Variants in MGLL observed in about 807,000 individuals in gnomAD.
MGLL encodes the protein monoglyceride lipase, also known as lysophospholipase homolog.
In MGLL, 7 loss-of-function variants were observed where a neutral mutation model predicts 29.1. The ratio of observed to expected loss-of-function variants is 0.24; its 90% CI spans 0.14 to 0.45. MGLL has a LOEUF of 0.45. MGLL is among the 20% of genes least tolerant of loss of function. MGLL has a pLI of 0.99. For synonymous variants in MGLL, 148 were observed against 168.3 expected (o/e 0.88, Z 0.93); for missense variants, 356 against 413.6 (o/e 0.86, Z 1.21).
intron 7 of MGLL, among the ~76,000 whole-genome samples, chr3:127,694,284 AAAAT>A (rs1199553547): frequency 1.4e-4 from 15 of 106,046 alleles, no homozygotes; most frequent in African/African-American, 5.0e-4. Context: ...AAAAAAAAAA[AAAAT>A]ATATATATAT....
intron 2 of MGLL, among the ~76,000 whole-genome samples, chr3:127,819,602 T>C (rs2077821684): frequency 6.6e-6 from 1 of 152,124 alleles, no homozygotes; most frequent in South Asian, 2.1e-4. Flanking sequence ...CTAGTTTTGC[T>C]GAAGAGGGGT....
At chr3:127,811,633 A>G (rs774407876) in intron 2 of MGLL, among the ~76,000 whole-genome samples, 4 of 152,252 alleles carry the variant, frequency 2.6e-5, no homozygotes, top group Non-Finnish European at 5.9e-5. Flanking sequence ...CCAGTGGGAC[A>G]TTCACAAACA....
intron 4 of MGLL, 157 bp from the exon 5 acceptor site, chr3:127,721,320 T>G: frequency 1.6e-6 from 1 of 641,850 alleles, no homozygotes; most frequent in Non-Finnish European, 2.8e-6. Flanking sequence ...TTGGCTAAAC[T>G]AGATCTGCAA....
At chr3:127,770,259 C>T (rs2076927219) in intron 3 of MGLL, among the ~76,000 whole-genome samples, 1 of 152,002 alleles carries the variant, frequency 6.6e-6, no homozygotes, top group African/African-American at 2.4e-5. Context: ...TGGCCTCAAG[C>T]GATCCTCCCA....
At chr3:127,807,400 T>C (rs757909663) in intron 2 of MGLL, among the ~76,000 whole-genome samples, 6 of 152,184 alleles carry the variant, frequency 3.9e-5, no homozygotes, top group Non-Finnish European at 7.3e-5. Context: ...ATCAATTTTA[T>C]TGGTATTTTC....
chr3:127,759,158 C>T (rs1170110059), intron 3 of MGLL, among the ~76,000 whole-genome samples: 1 of 152,192 alleles, frequency 6.6e-6, no homozygotes, highest in Non-Finnish European at 1.5e-5. Context: ...CTCCTGACCT[C>T]AAGTGATCAA....
chr3:127,721,761 C>T lies in MGLL; in HGVS notation c.400-598G>A, dbSNP rs144473282. Among the ~76,000 whole-genome samples the T allele has an allele frequency of 8.5e-3, 1,287 of 152,212 alleles. 6 individuals carry two copies. Among genetic ancestry groups the T allele is most frequent in the Non-Finnish European group, 0.011 (779 of 68,018 alleles). ...AGAGAAATGTAAGGACAGAGCCAGG[C>T]AGTGACCATGGGGCAGGAGGCAAGG... On this transcript the variant is annotated intron_variant, in intron 4 of 7. Transcript: ENST00000265052.
intron 3 of MGLL, among the ~76,000 whole-genome samples, chr3:127,775,016 C>T (rs765011772): frequency 2.6e-5 from 4 of 152,022 alleles, no homozygotes; most frequent in East Asian, 1.9e-4. Context: ...AACTCATATC[C>T]GAGACTTACA....
chr3:127,734,758 C>G lies in MGLL; in HGVS notation c.263-12192G>C, dbSNP rs181893490. ...CCTCAGCCCAGCAAATGCCTTCTCTCTGGATTTTCCTGGTCATCTCTCCTC... is the reference window on the plus strand; with the variant it reads ...CCTCAGCCCAGCAAATGCCTTCTCTGTGGATTTTCCTGGTCATCTCTCCTC... On this transcript the variant is annotated intron_variant, in intron 3 of 7. Transcript: ENST00000265052. Among the ~76,000 whole-genome samples, 713 of 152,370 alleles carry G rather than the reference C, an allele frequency of 4.7e-3. 4 individuals carry two copies. Among genetic ancestry groups the G allele is most frequent in the African/African-American group, 0.015 (629 of 41,588 alleles).
chr3:127,813,727 A>G (rs1394713225), intron 2 of MGLL, among the ~76,000 whole-genome samples: 1 of 152,080 alleles, frequency 6.6e-6, no homozygotes, highest in Non-Finnish European at 1.5e-5. Flanking sequence ...CTCCCGGGTC[A>G]TTGACCCCCA....
At chr3:127,739,028 G>A (rs1341037738) in intron 3 of MGLL, among the ~76,000 whole-genome samples, 1 of 152,206 alleles carries the variant, frequency 6.6e-6, no homozygotes, top group East Asian at 1.9e-4. Context: ...GAGGCACCAG[G>A]TGGAATGAAG....
At chr3:127,784,332 C>T (rs1200792759) in intron 2 of MGLL, among the ~76,000 whole-genome samples, 1 of 152,140 alleles carries the variant, frequency 6.6e-6, no homozygotes, top group Non-Finnish European at 1.5e-5. Flanking sequence ...CCAGTGGCTC[C>T]GATGTACAGC....
chr3:127,760,294 C>G (rs2107681028), intron 3 of MGLL, among the ~76,000 whole-genome samples: 1 of 152,310 alleles, frequency 6.6e-6, no homozygotes, highest in Admixed American at 6.5e-5. Flanking sequence ...AAAGAGTAGG[C>G]CAGGCCACTC....
chr3:127,698,725 A>G (rs944865151), intron 6 of MGLL, among the ~76,000 whole-genome samples: 1 of 152,122 alleles, frequency 6.6e-6, no homozygotes, highest in Non-Finnish European at 1.5e-5. Context: ...GCAAAATGTC[A>G]CTGCTGGGGG....
At chr3:127,798,064 C>A (rs2107732859) in intron 2 of MGLL, among the ~76,000 whole-genome samples, 1 of 152,282 alleles carries the variant, frequency 6.6e-6, no homozygotes, top group South Asian at 2.1e-4. Flanking sequence ...AAAGTACAAA[C>A]AACTGATCTG....
At chr3:127,731,960 T>C (rs1458120430) in intron 3 of MGLL, among the ~76,000 whole-genome samples, 1 of 152,164 alleles carries the variant, frequency 6.6e-6, no homozygotes, top group Non-Finnish European at 1.5e-5. Flanking sequence ...TAATCCTTTG[T>C]TGAATGATTA....
chr3:127,694,563 C>T (rs2075319904), intron 7 of MGLL, among the ~76,000 whole-genome samples: 1 of 151,996 alleles, frequency 6.6e-6, no homozygotes, highest in African/African-American at 2.4e-5. Flanking sequence ...CACCTGTGTG[C>T]CCTGAGCCCT....
chr3:127,804,661 C>T (rs1195012911), intron 2 of MGLL, among the ~76,000 whole-genome samples: 1 of 152,128 alleles, frequency 6.6e-6, no homozygotes, highest in Non-Finnish European at 1.5e-5. Context: ...AACATGTTTC[C>T]CCAAAACACA....
At chr3:127,705,857 A>G (rs2107599265) in intron 6 of MGLL, among the ~76,000 whole-genome samples, 1 of 152,238 alleles carries the variant, frequency 6.6e-6, no homozygotes, top group East Asian at 1.9e-4. Flanking sequence ...ACTCAGCATC[A>G]CTAACCATTA....
Sources: allele counts gnomAD v4.1 joint callset (sites outside exome capture counted in the v4.1 genomes callset), GRCh38; gene constraint gnomAD v4.1.1; transcripts MANE v1.5; gene names NCBI Gene and HGNC (gene_info 2026-07-23, HGNC 2026-07-21).